ZNF407: variants seen among roughly 807,000 people sequenced by gnomAD.
ZNF407 encodes the protein zinc finger protein 407.
Under a neutral mutation model 131.2 loss-of-function variants are expected in ZNF407, and 17 were observed. The observed-to-expected ratio is 0.13, with a 90% CI of 0.09 to 0.19. The LOEUF is 0.19. ZNF407 is among the 10% of genes least tolerant of loss of function. ZNF407 has a pLI of 1.00. For missense variants in ZNF407, 2,681 were observed against 2,830.6 expected (o/e 0.95, Z 1.20); for synonymous variants, 1,156 against 1,062.0 (o/e 1.09, Z -1.72).
chr18:74,929,108 G>A (rs959862919), intron 8 of ZNF407, among the ~76,000 whole-genome samples: 9 of 152,138 alleles, frequency 5.9e-5, no homozygotes, highest in Admixed American at 5.2e-4. Flanking sequence ...GCTCACTCAT[G>A]CTCATCCTGT....
At chr18:74,813,697 C>G (rs1487398089) in intron 4 of ZNF407, among the ~76,000 whole-genome samples, 1 of 152,184 alleles carries the variant, frequency 6.6e-6, no homozygotes, top group Non-Finnish European at 1.5e-5. Context: ...CATAGCTTAG[C>G]TCCAAGGGCC....
intron 3 of ZNF407, among the ~76,000 whole-genome samples, chr18:74,675,460 A>G (rs1599059915): frequency 6.6e-6 from 1 of 152,238 alleles, no homozygotes; most frequent in South Asian, 2.1e-4. Flanking sequence ...GAATAAATGA[A>G]TGTATTTTTT....
At chr18:75,034,954 G>A (rs569703812) in intron 8 of ZNF407, among the ~76,000 whole-genome samples, 1 of 152,304 alleles carries the variant, frequency 6.6e-6, no homozygotes, top group East Asian at 1.9e-4. Flanking sequence ...TAATGCACAA[G>A]TTAAGTGTAG....
At chr18:74,692,489 T>C (rs956292423) in intron 3 of ZNF407, among the ~76,000 whole-genome samples, 5 of 152,082 alleles carry the variant, frequency 3.3e-5, no homozygotes, top group African/African-American at 7.2e-5. Flanking sequence ...AGATTCGTAG[T>C]TGAAGTAGGT....
intron 3 of ZNF407, among the ~76,000 whole-genome samples, chr18:74,652,607 T>C (rs1037020539): frequency 6.6e-6 from 1 of 152,022 alleles, no homozygotes; most frequent in African/African-American, 2.4e-5. Context: ...ACACTTCTAC[T>C]GGGGTAAGTT....
At chr18:74,717,545 T>C (rs1391326579) in intron 3 of ZNF407, among the ~76,000 whole-genome samples, 1 of 152,220 alleles carries the variant, frequency 6.6e-6, no homozygotes, top group Non-Finnish European at 1.5e-5. Context: ...TTTCTTTCGA[T>C]AGCCATAGGT....
intron 1 of ZNF407, among the ~76,000 whole-genome samples, chr18:74,625,026 A>G (rs982837385): frequency 3.3e-5 from 5 of 152,162 alleles, no homozygotes; most frequent in Non-Finnish European, 5.9e-5. Flanking sequence ...TGTGGCCCCC[A>G]CAGAATCTTA....
At chr18:74,746,002 G>A (rs12965436) in intron 3 of ZNF407, among the ~76,000 whole-genome samples, 20,391 of 152,082 alleles carry the variant, frequency 0.13, 2,378 homozygotes, top group African/African-American at 0.31. Context: ...TGAGTTAGGC[G>A]ATTTTGTTAC....
At chr18:74,761,944 G>A (rs1453633152) in intron 3 of ZNF407, among the ~76,000 whole-genome samples, 6 of 152,112 alleles carry the variant, frequency 3.9e-5, no homozygotes, top group Non-Finnish European at 8.8e-5. Context: ...CAAATTGCTA[G>A]TATTTGTAGG....
chr18:74,876,595 T>A (rs1971160025), intron 4 of ZNF407, among the ~76,000 whole-genome samples: 1 of 152,210 alleles, frequency 6.6e-6, no homozygotes, highest in Non-Finnish European at 1.5e-5. Context: ...ATAGTTAAGG[T>A]TTATTTTTCT....
intron 3 of ZNF407, among the ~76,000 whole-genome samples, chr18:74,722,192 AT>A (rs1968054336): frequency 6.7e-6 from 1 of 150,074 alleles, no homozygotes; most frequent in African/African-American, 2.5e-5. Context: ...TCAGCCATTA[AT>A]TTTTTTTCTC....
chr18:74,675,782 C>A (rs1021683959), intron 3 of ZNF407, among the ~76,000 whole-genome samples: 1 of 152,158 alleles, frequency 6.6e-6, no homozygotes, highest in South Asian at 2.1e-4. Context: ...ACCCTCTTTC[C>A]GACAATTCGA....
In ZNF407 at chr18:74,633,465, C is replaced by G; in HGVS notation, c.2446C>G (p.Leu816Val). 4 of 1,613,926 alleles carry G rather than the reference C, an allele frequency of 2.5e-6. No homozygotes were observed. Among genetic ancestry groups the G allele is most frequent in the Non-Finnish European group, 3.4e-6 (4 of 1,179,864 alleles). ...QEHSYLEKGMLASEELSQSGG... is the reference protein window; with the variant it reads ...QEHSYLEKGMVASEELSQSGG... ...GCATTCCTATCTTGAGAAGGGCATG[C>G]TGGCGTCTGAGGAACTGTCACAGTC... The change falls in exon 2 of 9, where the codon CTG becomes GTG. Residue 816 changes from leucine to valine, a missense_variant. Around this residue, in one of 6 missense-constraint regions of ZNF407, gnomAD observed 1,789 missense variants for 1,748.7 expected, o/e 1.02. Coordinates refer to ENST00000299687, the MANE Select transcript of ZNF407 (RefSeq NM_017757.3).
chr18:74,897,032 C>G (rs1384618604), intron 7 of ZNF407, among the ~76,000 whole-genome samples: 1 of 151,958 alleles, frequency 6.6e-6, no homozygotes, highest in Non-Finnish European at 1.5e-5. Context: ...TCATATTCAG[C>G]TTGCTTTATT....
intron 8 of ZNF407, among the ~76,000 whole-genome samples, chr18:75,021,635 A>T (rs1973111679): frequency 6.6e-6 from 1 of 152,134 alleles, no homozygotes; most frequent in Non-Finnish European, 1.5e-5. Flanking sequence ...AATATTTAAT[A>T]AATTTTGTGA....
chr18:74,804,704 C>A, intron 4 of ZNF407: 1 of 710,734 alleles, frequency 1.4e-6, no homozygotes, highest in Non-Finnish European at 1.7e-6. Context: ...TGTACCACAA[C>A]CTACCATGAT....
chr18:74,912,184 A>T (rs1568266330), intron 7 of ZNF407, among the ~76,000 whole-genome samples: 1 of 152,174 alleles, frequency 6.6e-6, no homozygotes, highest in Non-Finnish European at 1.5e-5. Context: ...CAGTTAGATA[A>T]TATTATTAAC....
chr18:74,931,860 A>G (rs1272679045), intron 8 of ZNF407, among the ~76,000 whole-genome samples: 1 of 152,208 alleles, frequency 6.6e-6, no homozygotes, highest in African/African-American at 2.4e-5. Context: ...GTGTCTTTTG[A>G]AATACAATAT....
At chr18:75,035,985 G>C (rs907231004) in intron 8 of ZNF407, among the ~76,000 whole-genome samples, 1 of 152,228 alleles carries the variant, frequency 6.6e-6, no homozygotes, top group African/African-American at 2.4e-5. Flanking sequence ...GGCAGGAATG[G>C]GTGAGAGGTG....
Sources: gnomAD v4.1 joint callset for allele counts (sites outside exome capture counted in the v4.1 genomes callset) on GRCh38, gnomAD v4.1.1 for gene constraint, gnomAD v4.1.1 regional missense constraint, MANE v1.5 for transcripts, NCBI Gene and HGNC (gene_info 2026-07-23, HGNC 2026-07-21) for gene names.